Variants in TAFA4 observed in about 807,000 individuals in gnomAD.
TAFA4 encodes the protein chemokine-like protein TAFA-4.
In TAFA4, 20 loss-of-function variants were observed where a neutral mutation model predicts 21.1. The ratio of observed to expected loss-of-function variants is 0.95; its 90% CI spans 0.67 to 1.38. TAFA4 has a LOEUF of 1.38. Among genes scored for constraint, TAFA4 ranks in the 40% most tolerant of loss-of-function variants. The pLI is 0.00. For synonymous variants in TAFA4, 71 were observed against 67.4 expected (o/e 1.05, Z -0.26); for missense variants, 211 against 180.9 (o/e 1.17, Z -0.95).
chr3:68,919,079 G>A (rs183165965), intron 1 of TAFA4, among the ~76,000 whole-genome samples: 2 of 152,208 alleles, frequency 1.3e-5, no homozygotes, highest in Admixed American at 1.3e-4. Context: ...AGCTTCCCAA[G>A]TCCACTGCTT....
At chr3:68,834,836 CT>C (rs1704484981) in intron 3 of TAFA4, among the ~76,000 whole-genome samples, 1 of 152,142 alleles carries the variant, frequency 6.6e-6, no homozygotes, top group Non-Finnish European at 1.5e-5. Flanking sequence ...CTGCTATTCC[CT>C]TTTTCCAACC....
intron 3 of TAFA4, among the ~76,000 whole-genome samples, chr3:68,795,166 G>C (rs979200666): frequency 1.3e-5 from 2 of 151,618 alleles, no homozygotes; most frequent in African/African-American, 4.9e-5. Flanking sequence ...TGGGAGTTCA[G>C]CAGGAAAGAC....
At chr3:68,735,418 C>T (rs1316894453) in intron 5 of TAFA4, among the ~76,000 whole-genome samples, 1 of 152,080 alleles carries the variant, frequency 6.6e-6, no homozygotes, top group Non-Finnish European at 1.5e-5. Flanking sequence ...AGGTAGAGAG[C>T]TCAGTTAGAC....
intron 3 of TAFA4, among the ~76,000 whole-genome samples, chr3:68,873,663 A>T (rs528183520): frequency 6.6e-6 from 1 of 152,266 alleles, no homozygotes; most frequent in East Asian, 1.9e-4. Context: ...ACATGTTCAC[A>T]TGTTCATTTC....
At chr3:68,834,598 C>T (rs1294265474) in intron 3 of TAFA4, among the ~76,000 whole-genome samples, 1 of 152,124 alleles carries the variant, frequency 6.6e-6, no homozygotes, top group Non-Finnish European at 1.5e-5. Context: ...CCCAACATAT[C>T]CCAAATCAAA....
chr3:68,878,117 G>T (rs2089574512), intron 3 of TAFA4, among the ~76,000 whole-genome samples: 1 of 152,072 alleles, frequency 6.6e-6, no homozygotes, highest in South Asian at 2.1e-4. Context: ...AGTTTTTCCA[G>T]GGACTTTATG....
intron 3 of TAFA4, among the ~76,000 whole-genome samples, chr3:68,825,882 A>C (rs1704216486): frequency 6.6e-6 from 1 of 152,208 alleles, no homozygotes; most frequent in African/African-American, 2.4e-5. Context: ...GGAATAAGTA[A>C]AACTTCATCA....
chr3:68,866,976 G>T (rs572596384), intron 3 of TAFA4, among the ~76,000 whole-genome samples: 2 of 151,998 alleles, frequency 1.3e-5, no homozygotes, highest in Non-Finnish European at 2.9e-5. Context: ...GTCTAAGACG[G>T]AATTGAGAAA....
At chr3:68,859,005 G>A (rs1359473650) in intron 3 of TAFA4, among the ~76,000 whole-genome samples, 2 of 151,766 alleles carry the variant, frequency 1.3e-5, no homozygotes, top group Non-Finnish European at 2.9e-5. Context: ...GTGGGGAGCT[G>A]GGGGGCAGCC....
At chr3:68,819,481 G>A (rs1704068203) in intron 3 of TAFA4, among the ~76,000 whole-genome samples, 1 of 151,986 alleles carries the variant, frequency 6.6e-6, no homozygotes, top group Non-Finnish European at 1.5e-5. Flanking sequence ...ATTGAGTTTG[G>A]GTATTTGTCA....
At chr3:68,846,507 G>T (rs1704801145) in intron 3 of TAFA4, among the ~76,000 whole-genome samples, 1 of 151,922 alleles carries the variant, frequency 6.6e-6, no homozygotes, top group Non-Finnish European at 1.5e-5. Context: ...ATCTTTTGAG[G>T]CCTACTTCTG....
chr3:68,901,767 C>G (rs1362322295), intron 1 of TAFA4, among the ~76,000 whole-genome samples: 1 of 152,174 alleles, frequency 6.6e-6, no homozygotes, highest in African/African-American at 2.4e-5. Context: ...CAAAAGCTGA[C>G]TTTGGCTGAT....
intron 1 of TAFA4, among the ~76,000 whole-genome samples, chr3:68,893,329 G>A (rs1474531730): frequency 6.6e-6 from 1 of 152,064 alleles, no homozygotes; most frequent in Non-Finnish European, 1.5e-5. Flanking sequence ...CATTACTATG[G>A]GCAAGTGGGA....
At chr3:68,739,804 TAAATGAGAGCTGAA>T (rs1702314940) in intron 4 of TAFA4, among the ~76,000 whole-genome samples, 1 of 152,130 alleles carries the variant, frequency 6.6e-6, no homozygotes, top group Admixed American at 6.5e-5. Flanking sequence ...TTCTCACTTA[TAAATGAGAGCTGAA>T]TAATGTGTAC....
At chr3:68,898,857 C>A (rs1018589361) in intron 1 of TAFA4, among the ~76,000 whole-genome samples, 1 of 152,034 alleles carries the variant, frequency 6.6e-6, no homozygotes, top group African/African-American at 2.4e-5. Context: ...CTCAGGATTC[C>A]AAACTAGGCT....
intron 3 of TAFA4, among the ~76,000 whole-genome samples, chr3:68,755,887 G>A (rs1257130037): frequency 2.0e-5 from 3 of 152,178 alleles, no homozygotes; most frequent in Admixed American, 1.3e-4. Context: ...TAGGTGATAA[G>A]ACAATGGCAC....
chr3:68,911,577 T>C (rs1441546673), intron 1 of TAFA4, among the ~76,000 whole-genome samples: 2 of 152,164 alleles, frequency 1.3e-5, no homozygotes, highest in African/African-American at 2.4e-5. Flanking sequence ...GTTCAAAAAA[T>C]ATTTGAGTCT....
At chr3:68,739,947 G>GACTTCACCA (rs1347611303) in intron 4 of TAFA4, among the ~76,000 whole-genome samples, 3 of 152,176 alleles carry the variant, frequency 2.0e-5, no homozygotes, top group Non-Finnish European at 2.9e-5. Context: ...TAAAAGCCCA[G>GACTTCACCA]ACTTCACCAC....
intron 3 of TAFA4, among the ~76,000 whole-genome samples, chr3:68,865,653 G>A (rs538164868): frequency 1.3e-5 from 2 of 152,184 alleles, no homozygotes; most frequent in Admixed American, 1.3e-4. Flanking sequence ...CTTCATAGCA[G>A]TATGAAAATG....
Sources: gnomAD v4.1 joint callset for allele counts (sites outside exome capture counted in the v4.1 genomes callset) on GRCh38, gnomAD v4.1.1 for gene constraint, MANE v1.5 for transcripts, NCBI Gene and HGNC (gene_info 2026-07-23, HGNC 2026-07-21) for gene names.